AKAP13: variants seen among roughly 807,000 people sequenced by gnomAD.
The protein encoded by AKAP13 is A-kinase anchoring protein 13, also known as A-kinase anchor protein 13.
Under a neutral mutation model 264.5 loss-of-function variants are expected in AKAP13, and 80 were observed. That is an observed-to-expected ratio of 0.30 (90% confidence interval 0.25 to 0.36). AKAP13 has a LOEUF of 0.36. Ranked by LOEUF, AKAP13 falls within the 10% of genes least tolerant of loss-of-function variation. AKAP13 has a pLI of 1.00. For missense variants in AKAP13, 3,712 were observed against 3,435.2 expected, an observed-to-expected ratio of 1.08 and a Z score of -2.01; for synonymous variants, 1,380 against 1,250.2, an observed-to-expected ratio of 1.10 and a Z score of -2.19.
At chr15:85,710,054 A>G (rs2086551946) in intron 18 of AKAP13, among the ~76,000 whole-genome samples, 1 of 152,212 alleles carries the variant, frequency 6.6e-6, no homozygotes, top group South Asian at 2.1e-4. Flanking sequence ...TAATCGCTTC[A>G]GTGTATAATC....
intron 32 of AKAP13, 39 bp downstream of exon 32, chr15:85,735,669 C>CT (rs1567221812): frequency 2.6e-6 from 4 of 1,564,356 alleles, no homozygotes; most frequent in African/African-American, 2.7e-5. Flanking sequence ...CTCCTTGGCA[C>CT]TTTCCTCTGA....
intron 1 of AKAP13, chr15:85,415,183 C>T: frequency 8.1e-7 from 1 of 1,228,566 alleles, no homozygotes; most frequent in Non-Finnish European, 1.2e-6. Flanking sequence ...CGCTGCCACG[C>T]CGACGCAGAC....
chr15:85,430,970 GATC>G (rs899177766), intron 1 of AKAP13, among the ~76,000 whole-genome samples: 15 of 152,296 alleles, frequency 9.8e-5, no homozygotes, highest in Non-Finnish European at 1.8e-4. Context: ...GACCAGGCCA[GATC>G]ATCATCATCA....
chr15:85,546,789 G>A (rs1334928235), intron 5 of AKAP13, among the ~76,000 whole-genome samples: 1 of 151,184 alleles, frequency 6.6e-6, no homozygotes, highest in Non-Finnish European at 1.5e-5. Flanking sequence ...TGTAGCCCAG[G>A]CTGGAGTGCA....
intron 8 of AKAP13, among the ~76,000 whole-genome samples, chr15:85,630,359 G>A (rs1464271185): frequency 4.0e-5 from 6 of 151,766 alleles, no homozygotes; most frequent in African/African-American, 1.2e-4. Flanking sequence ...TACGTAGCAC[G>A]AAAATACTCT....
At chr15:85,475,299 C>T (rs1161813723) in intron 1 of AKAP13, among the ~76,000 whole-genome samples, 1 of 152,178 alleles carries the variant, frequency 6.6e-6, no homozygotes, top group Non-Finnish European at 1.5e-5. Flanking sequence ...GCCTTCCTCT[C>T]CTGTGTCTGG....
At chr15:85,672,218 C>T (rs897503047) in intron 14 of AKAP13, among the ~76,000 whole-genome samples, 2 of 152,174 alleles carry the variant, frequency 1.3e-5, no homozygotes, top group African/African-American at 4.8e-5. Context: ...TTGTAGTGTA[C>T]GTTTCATGCA....
chr15:85,613,048 G>A (rs1169137532), intron 8 of AKAP13, among the ~76,000 whole-genome samples: 2 of 152,114 alleles, frequency 1.3e-5, no homozygotes, highest in African/African-American at 4.8e-5. Context: ...GTGCTGGACT[G>A]TCTTATGTTC....
At chr15:85,603,065 A>G (rs2080163500) in intron 8 of AKAP13, among the ~76,000 whole-genome samples, 1 of 152,242 alleles carries the variant, frequency 6.6e-6, no homozygotes, top group Non-Finnish European at 1.5e-5. Context: ...AAATACTGTC[A>G]GTTGTTTCCC....
Position 85,581,453 on chromosome 15 carries a change from G to T in AKAP13, c.3385G>T (p.Val1129Phe). 1 of 1,614,174 alleles carries T rather than the reference G, an allele frequency of 6.2e-7. No homozygotes were observed. The highest frequency in any genetic ancestry group is 1.3e-5 in the African/African-American group (1 of 75,036). The part of the protein sequence containing the change: ...NVLLSQEKNA[V>F]LGLPVALQDK... ...CTTGTTGAGCCAAGAGAAGAATGCCGTTCTAGGTTTGCCAGTGGCTCTACA... is the reference window on the plus strand; with the variant it reads ...CTTGTTGAGCCAAGAGAAGAATGCCTTTCTAGGTTTGCCAGTGGCTCTACA... The change falls in exon 7 of 37, where the codon GTT becomes TTT. Residue 1129 changes from valine (V) to phenylalanine (F), a missense_variant. Physicochemically the swap from Val to Phe is conservative, Grantham distance 50. Around this residue, in one of 3 missense-constraint regions of AKAP13, gnomAD observed 2,759 missense variants for 2,411.7 expected, o/e 1.14. Transcript: ENST00000394518.
intron 8 of AKAP13, among the ~76,000 whole-genome samples, chr15:85,607,920 G>A (rs2080426513): frequency 6.6e-6 from 1 of 152,248 alleles, no homozygotes; most frequent in Non-Finnish European, 1.5e-5. Context: ...CCTGGCAGTA[G>A]TGTTGACAAA....
In AKAP13 at chr15:85,391,271, T is replaced by G. The variant is rs537608448; in HGVS notation, c.-12+10473T>G. Among the ~76,000 whole-genome samples, 3 of 152,316 alleles carry G rather than the reference T, an allele frequency of 2.0e-5. No individual in the cohort carries two copies. In the South Asian group the frequency reaches 6.2e-4, roughly 32 times the overall value. On this transcript the variant is annotated intron_variant, in intron 1 of 36. Coordinates refer to ENST00000394518, the MANE Select transcript of AKAP13 (RefSeq NM_007200.5). ...TCTTCTCTAAGCATGATAAAAATAT[T>G]AGTGAACTCTATTTTCCATTTGTAG...
chr15:85,529,259 G>A (rs7183153), intron 3 of AKAP13, among the ~76,000 whole-genome samples: 133,605 of 152,078 alleles, frequency 0.88, 59,135 homozygotes, highest in African/African-American at 0.95. Context: ...ATCTCTACAA[G>A]AATACAAAAA....
intron 1 of AKAP13, among the ~76,000 whole-genome samples, chr15:85,415,788 GTGT>G (rs2072215803): frequency 6.7e-6 from 1 of 150,248 alleles, no homozygotes; most frequent in East Asian, 1.9e-4. Context: ...ATTTCAAAGT[GTGT>G]TGGATTAATT....
At chr15:85,424,689 T>C (rs1046751882) in intron 1 of AKAP13, among the ~76,000 whole-genome samples, 1 of 152,266 alleles carries the variant, frequency 6.6e-6, no homozygotes, top group Non-Finnish European at 1.5e-5. Flanking sequence ...CTTGGCTGTT[T>C]GTTGCAAGAG....
intron 1 of AKAP13, among the ~76,000 whole-genome samples, chr15:85,388,100 T>G (rs1345498144): frequency 6.6e-6 from 1 of 151,868 alleles, no homozygotes; most frequent in Admixed American, 6.6e-5. Context: ...AGTGGTGCGA[T>G]CTCAGCTCAC....
intron 20 of AKAP13, among the ~76,000 whole-genome samples, chr15:85,716,916 G>C (rs1021042945): frequency 1.3e-5 from 2 of 152,218 alleles, no homozygotes; most frequent in Admixed American, 1.3e-4. Context: ...ATAGTTGATT[G>C]TAAGTGCTAG....
chr15:85,470,512 T>A (rs553860384), intron 1 of AKAP13, among the ~76,000 whole-genome samples: 4 of 152,212 alleles, frequency 2.6e-5, no homozygotes, highest in Non-Finnish European at 5.9e-5. Flanking sequence ...TATAGTTTGT[T>A]TTATAGAGGA....
chr15:85,666,546 A>G (rs780767722), intron 13 of AKAP13, among the ~76,000 whole-genome samples: 3 of 152,110 alleles, frequency 2.0e-5, no homozygotes, highest in South Asian at 2.1e-4. Flanking sequence ...TTAAAATTTT[A>G]TTTATTTATT....
Sources: allele counts gnomAD v4.1 joint callset (sites outside exome capture counted in the v4.1 genomes callset), GRCh38; gene constraint gnomAD v4.1.1; regional missense constraint gnomAD v4.1.1; transcripts MANE v1.5; gene names NCBI Gene and HGNC (gene_info 2026-07-23, HGNC 2026-07-21).